Variants in PITRM1 observed in about 807,000 individuals in gnomAD.
The protein encoded by PITRM1 is presequence protease, mitochondrial.
PITRM1 carries 100 observed loss-of-function variants against 129.9 expected under a neutral mutation model. That is an observed-to-expected ratio of 0.77 (90% CI 0.65 to 0.91). PITRM1 has a LOEUF of 0.91. Ranked by LOEUF, PITRM1 falls within the 40% of genes least tolerant of loss-of-function variation. PITRM1 has a pLI of 0.00. For synonymous variants in PITRM1, 591 were observed against 508.8 expected (o/e 1.16, Z -2.17); for missense variants, 1,471 against 1,318.3 (o/e 1.12, Z -1.79).
chr10:3,170,429 T>C (rs1402740144), intron 1 of PITRM1, among the ~76,000 whole-genome samples: 2 of 152,216 alleles, frequency 1.3e-5, no homozygotes. Flanking sequence ...TGGAAACCTT[T>C]TCTTTACACT....
intron 1 of PITRM1, among the ~76,000 whole-genome samples, chr10:3,171,077 C>T (rs1843292171): frequency 7.0e-6 from 1 of 142,996 alleles, no homozygotes; most frequent in African/African-American, 2.6e-5. Flanking sequence ...CGAACCCTGA[C>T]AGTCCCAAAC....
intron 20 of PITRM1, 64 bp from the exon 21 acceptor site, chr10:3,145,780 C>T (rs1238758101): frequency 1.1e-5 from 13 of 1,214,124 alleles, no homozygotes; most frequent in Non-Finnish European, 1.4e-5. Context: ...TAATTCATCA[C>T]ATTTTGTATA....
At chr10:3,147,434 C>G in intron 19 of PITRM1, 138 bp downstream of exon 19, 1 of 1,124,146 alleles carries the variant, frequency 8.9e-7, no homozygotes, top group Non-Finnish European at 1.3e-6. Context: ...CAAAACCAAC[C>G]AACCAATTCT....
At chr10:3,151,174 G>T in intron 15 of PITRM1, 73 bp downstream of exon 15, 1 of 819,644 alleles carries the variant, frequency 1.2e-6, no homozygotes, top group Non-Finnish European at 2.1e-6. Context: ...TGACTCTACT[G>T]CTTCTGTGAG....
In PITRM1 at chr10:3,159,948, C is replaced by T. The variant is rs4242747; in HGVS notation, c.919-12G>A. The T allele has an allele frequency of 0.66, 1,028,928 of 1,568,838 alleles. 340,706 individuals carry two copies. The highest frequency in any genetic ancestry group is 0.68 in the Non-Finnish European group (783,480 of 1,149,366). Reference sequence around the variant, plus strand: ...ATCTGGAATTCCCTCTGTAAAATGACGTGACGTTGTGAGTAGGCACAGTGT... The same window carrying T: ...ATCTGGAATTCCCTCTGTAAAATGATGTGACGTTGTGAGTAGGCACAGTGT... On this transcript the variant is annotated splice_polypyrimidine_tract_variant and intron_variant, in intron 8 of 26. Coordinates refer to ENST00000224949, the MANE Select transcript of PITRM1 (RefSeq NM_014889.4).
At chr10:3,144,455 G>A (rs1411956786) in intron 21 of PITRM1, 89 bp from the exon 22 acceptor site, 2 of 755,600 alleles carry the variant, frequency 2.6e-6, no homozygotes, top group Non-Finnish European at 4.4e-6. Flanking sequence ...AATTCACACA[G>A]CTAATAACAA....
chr10:3,148,270 G>A lies in PITRM1; in HGVS notation c.1893C>T (p.Asp631=), dbSNP rs1841124981. ...CTATCTGCTGAGCCTGCTCCCGGTA[G>A]TCAAGAAGGCCGCAGCCCAGCCTGA... ...VLTKLGCGLL[D]YREQAQQIEL... is the part of the protein sequence containing the mutation. Residue 631 remains aspartate (D), a synonymous_variant, in exon 17 of 27, where the codon GAC becomes GAT. Transcript: ENST00000224949. 2 of 1,613,032 alleles carry A rather than the reference G, an allele frequency of 1.2e-6. No homozygotes were observed. The highest frequency in any genetic ancestry group is 1.7e-6 in the Non-Finnish European group (2 of 1,179,368).
chr10:3,162,176 AAAAC>A lies in PITRM1; in HGVS notation c.791+1545_791+1548del, dbSNP rs1214601987. ...CTGTCTTTAAAAAAAAAAAAAAAAAAAAACAAGACAGCCTCTTCTGTCACCATTA... is the reference window on the plus strand; with the variant it reads ...CTGTCTTTAAAAAAAAAAAAAAAAAAAAGACAGCCTCTTCTGTCACCATTA... On this transcript the variant is annotated intron_variant, in intron 7 of 26. Coordinates refer to ENST00000224949, the MANE Select transcript of PITRM1 (RefSeq NM_014889.4). 5.3e-3 allele frequency among the ~76,000 whole-genome samples: 809 copies of A among 151,726 alleles called. 7 individuals are homozygous for A. The highest frequency in any genetic ancestry group is 7.2e-3 in the Non-Finnish European group (489 of 67,888).
Position 3,140,828 on chromosome 10 carries a change from A to G in PITRM1, c.2646-16T>C. ...GATTTTAAGACTGAAATGATTAAAAAATGCAAGTTAATACCGTGGCTGATA... is the reference window on the plus strand; with the variant it reads ...GATTTTAAGACTGAAATGATTAAAAGATGCAAGTTAATACCGTGGCTGATA... On this transcript the variant is annotated splice_polypyrimidine_tract_variant and intron_variant, in intron 23 of 26. Coordinates refer to ENST00000224949, the MANE Select transcript of PITRM1 (RefSeq NM_014889.4). 1 of 1,556,556 alleles carries G rather than the reference A, an allele frequency of 6.4e-7. No individual in the cohort carries two copies. The highest frequency in any genetic ancestry group is 8.7e-7 in the Non-Finnish European group (1 of 1,144,774).
intron 21 of PITRM1, 126 bp downstream of exon 21, chr10:3,145,470 G>A (rs1289830370): frequency 1.3e-6 from 1 of 757,778 alleles, no homozygotes; most frequent in African/African-American, 1.8e-5. Context: ...TTCTTCATCT[G>A]CGTACGGGGG....
rs1032284122 is a variant in PITRM1 at position 3,138,630 on chromosome 10, C to T, written c.2917+274G>A. 4.1e-4 allele frequency: 252 copies of T among 608,338 alleles called. 1 individual carries two copies. In the Middle Eastern group the frequency reaches 7.1e-3, roughly 17 times the overall value. The allele number at this position is 608,338 out of a possible 1,614,324, so 37.7% of individuals were successfully genotyped here. ...GAGAGTAACGTGGCCATGCCCGGGC[C>T]GTGCCCACGTCCTCCTTCCACCCTA... On this transcript the variant is annotated intron_variant, in intron 25 of 26. Transcript: ENST00000224949.
rs376677614 is a variant in PITRM1, at chr10:3,145,625, G to T, written c.2428C>A (p.Arg810=). 6.5e-7 allele frequency: 1 copy of T among 1,550,018 alleles called. No individual in the cohort carries two copies. Among genetic ancestry groups the T allele is most frequent in the East Asian group, 2.4e-5 (1 of 40,934 alleles). The change falls in exon 21 of 27, where the codon CGG becomes AGG. Residue 810 remains arginine, a synonymous_variant. Transcript: ENST00000224949. ...ACCGTGTGTGGGCGCACAGGCCTCCGTTCCTTTTTACTCCGACCGATGCTT... is the reference window on the plus strand; with the variant it reads ...ACCGTGTGTGGGCGCACAGGCCTCCTTTCCTTTTTACTCCGACCGATGCTT... ...LRSIGRSKKE[R]RPVRPHTVEK... is the part of the protein sequence containing the mutation.
rs564696770 is a variant in PITRM1, at chr10:3,138,142, G to A, written c.3021-18C>T. 875 of 1,592,578 alleles carry A rather than the reference G, an allele frequency of 5.5e-4. 14 individuals carry two copies. In the South Asian group the frequency reaches 8.6e-3, roughly 16 times the overall value. ...CGAGGTATCTGAGAGGAAGGCAGGC[G>A]TGGTCAGCAAGGACTGGCTTCTGCG... On this transcript the variant is annotated intron_variant, in intron 26 of 26. Coordinates refer to ENST00000224949, the MANE Select transcript of PITRM1 (RefSeq NM_014889.4).
At chr10:3,143,080 A>G (rs1840425356) in intron 23 of PITRM1, 1 of 287,862 alleles carries the variant, frequency 3.5e-6, no homozygotes, top group East Asian at 7.5e-5. Context: ...ATTTTTACCT[A>G]GAGATGAGGT....
intron 16 of PITRM1, 25 bp from the exon 17 acceptor site, chr10:3,148,316 C>T (rs1442049636): frequency 6.4e-7 from 1 of 1,574,784 alleles, no homozygotes; most frequent in Non-Finnish European, 8.6e-7. Context: ...AAGCATCGCC[C>T]CGATTACAAG....
intron 1 of PITRM1, 131 bp downstream of exon 1, chr10:3,172,586 G>A: frequency 1.2e-6 from 1 of 810,226 alleles, no homozygotes; most frequent in South Asian, 2.1e-5. Flanking sequence ...GGCTCGGGGT[G>A]CGGGACGCCC....
upstream of PITRM1, chr10:3,172,809 T>G (rs1415138374): frequency 1.3e-6 from 2 of 1,491,722 alleles, 1 homozygote; most frequent in South Asian, 2.5e-5. Context: ...AGGAACCCCC[T>G]CTTAACCCGA....
chr10:3,165,925 A>C (rs1229091649), intron 4 of PITRM1, among the ~76,000 whole-genome samples: 1 of 152,234 alleles, frequency 6.6e-6, no homozygotes, highest in Non-Finnish European at 1.5e-5. Flanking sequence ...AGTCTTACTA[A>C]AAGTCAAACA....
rs750189105 is a variant in PITRM1, at chr10:3,138,309, C to T, written c.2946G>A (p.Ser982=). 26 of 1,613,558 alleles carry T rather than the reference C, an allele frequency of 1.6e-5. No homozygotes were observed. The highest frequency in any genetic ancestry group is 9.3e-5 in the African/African-American group (7 of 74,920). Residue 982 remains serine (S), a synonymous_variant, in exon 26 of 27, where the codon TCG becomes TCA. Transcript: ENST00000224949. The part of the protein sequence containing the change: ...KGMDHFLYGL[S]DEMKQAHREQ... Reference sequence around the variant, plus strand: ...CTCTGTGGGCCTGCTTCATCTCATCCGAGAGGCCGTACAAGAAGTGGTCCA... The same window carrying T: ...CTCTGTGGGCCTGCTTCATCTCATCTGAGAGGCCGTACAAGAAGTGGTCCA...
Sources: allele counts gnomAD v4.1 joint callset (sites outside exome capture counted in the v4.1 genomes callset), GRCh38; gene constraint gnomAD v4.1.1; transcripts MANE v1.5; gene names NCBI Gene and HGNC (gene_info 2026-07-23, HGNC 2026-07-21).